DENND3: variants seen among roughly 807,000 people sequenced by gnomAD.
DENND3 encodes DENN domain-containing protein 3.
In DENND3, 88 loss-of-function variants were observed where a neutral mutation model predicts 135.1. The observed-to-expected ratio is 0.65, with a 90% CI of 0.55 to 0.78. DENND3 has a LOEUF of 0.78. Ranked by LOEUF, DENND3 falls within the 30% of genes least tolerant of loss-of-function variation. The probability of loss-of-function intolerance (pLI) is 0.00; values close to 1 mark genes in which losing one functional copy is unlikely to be tolerated. For missense variants in DENND3, 1,392 were observed against 1,688.4 expected (o/e 0.82, Z 3.08); for synonymous variants, 693 against 712.3 (o/e 0.97, Z 0.43).
intron 9 of DENND3, 55 bp from the exon 10 acceptor site, chr8:141,163,278 A>G: frequency 9.6e-7 from 1 of 1,039,106 alleles, no homozygotes; most frequent in Non-Finnish European, 1.4e-6. Flanking sequence ...AAAGTGGTAT[A>G]TTTTTCATGT....
At chr8:141,150,368 G>A (rs1010932435) in intron 5 of DENND3, 15 of 1,239,840 alleles carry the variant, frequency 1.2e-5, no homozygotes, top group Non-Finnish European at 1.5e-5. Context: ...TTAGAAAAAC[G>A]TCTTTCTTAA....
At position 141,160,633 on chromosome 8, in the gene DENND3, G is replaced by T. The variant is rs1215051592; in HGVS notation, c.1198G>T (p.Val400Leu). The T allele has an allele frequency of 8.7e-6, 14 of 1,600,344 alleles. No homozygotes were observed. The highest frequency in any genetic ancestry group is 1.1e-5 in the Non-Finnish European group (13 of 1,170,398). The change falls in exon 9 of 23, where the codon GTG becomes TTG. Residue 400 changes from valine (V) to leucine (L), a missense_variant and splice_region_variant. Transcript: ENST00000519811. ...LLAAQTFIQR[V>L]QSLQLHHELH... The stretch of plus-strand genomic sequence containing the variant: ...TAGCTTCGGTCTGCCTCCTTCCAGG[G>T]TGCAGAGCCTCCAGCTCCACCATGA...
At chr8:141,150,026 T>C (rs1160330124) in intron 5 of DENND3, among the ~76,000 whole-genome samples, 1 of 152,254 alleles carries the variant, frequency 6.6e-6, no homozygotes, top group Admixed American at 6.5e-5. Context: ...AGGTGTTCCC[T>C]TGATGGAGTC....
chr8:141,163,029 C>T (rs1820336745), intron 9 of DENND3, among the ~76,000 whole-genome samples: 1 of 152,232 alleles, frequency 6.6e-6, no homozygotes, highest in African/African-American at 2.4e-5. Context: ...CCACCCTGAA[C>T]TCAGTTTCAT....
intron 5 of DENND3, among the ~76,000 whole-genome samples, chr8:141,145,433 C>T (rs1817920696): frequency 6.6e-6 from 1 of 152,220 alleles, no homozygotes; most frequent in Non-Finnish European, 1.5e-5. Flanking sequence ...CAAACTGTAA[C>T]CCGGCCCTCT....
intron 13 of DENND3, among the ~76,000 whole-genome samples, chr8:141,173,942 G>C (rs1477331819): frequency 6.6e-6 from 1 of 152,198 alleles, no homozygotes; most frequent in African/African-American, 2.4e-5. Context: ...GGTTCTTGGG[G>C]TGTAGCAAGT....
intron 8 of DENND3, chr8:141,157,251 G>A: frequency 1.0e-6 from 1 of 964,950 alleles, no homozygotes; most frequent in African/African-American, 1.8e-5. Context: ...GCTTGGCAGG[G>A]ACTTTGGTCA....
intron 13 of DENND3, among the ~76,000 whole-genome samples, chr8:141,169,652 T>G (rs1215252443): frequency 2.6e-5 from 4 of 152,170 alleles, no homozygotes; most frequent in African/African-American, 9.7e-5. Context: ...AGCTGGAGCT[T>G]TCTTTTCTGG....
chr8:141,193,849 T>A (rs1416326524), intron 22 of DENND3, 184 bp from the exon 23 acceptor site: 1 of 643,052 alleles, frequency 1.6e-6, no homozygotes, highest in African/African-American at 1.8e-5. Flanking sequence ...GGCCATTAGG[T>A]TCTAAGCCCG....
In DENND3 at chr8:141,194,506, G is replaced by A. The variant is rs1825149568; in HGVS notation, c.*273G>A. On this transcript the variant is annotated 3_prime_UTR_variant, in exon 23 of 23. Transcript: ENST00000519811. ...GTCTTGTTGGTGATAACCTCTGCTG[G>A]GAGGTTACTTTGTTGCCTAGAAAGT... The A allele has an allele frequency of 4.6e-5, 21 of 456,596 alleles. No homozygotes were observed. In the South Asian group the frequency reaches 5.9e-4, roughly 13 times the overall value. 28.3% of individuals were successfully genotyped at this position (456,596 alleles called of 1,614,324 possible).
At chr8:141,142,654 A>T (rs1481677727) in intron 4 of DENND3, 2 of 279,942 alleles carry the variant, frequency 7.1e-6, no homozygotes, top group Non-Finnish European at 1.4e-5. Flanking sequence ...GAGCACATGC[A>T]TGTTTGTTGA....
In DENND3 at chr8:141,128,796, GA is replaced by G; in HGVS notation, c.91del (p.Ser31ValfsTer54). Reference sequence around the variant, plus strand: ...CTGGGCGCCCCCCGGGACAGTCTCCGAAGTCTCGAGCAGGTGAGGGGCGGGG... The same window carrying G: ...CTGGGCGCCCCCCGGGACAGTCTCCGAGTCTCGAGCAGGTGAGGGGCGGGG... ...ALLGAPRDSL[R>X]SLEQVAYKKG... On this transcript the variant is annotated frameshift_variant, in exon 1 of 23. Coordinates refer to ENST00000519811, the MANE Select transcript of DENND3 (RefSeq NM_001352890.3). LOFTEE classifies it high-confidence loss of function. The surrounding 1 kb of genome is among the most constrained non-coding windows in gnomAD (Gnocchi z 4.5). 1 of 1,445,768 alleles carries G rather than the reference GA, an allele frequency of 6.9e-7. No homozygotes were observed. Among genetic ancestry groups the G allele is most frequent in the Non-Finnish European group, 9.1e-7 (1 of 1,096,740 alleles). The allele number at this position is 1,445,768 out of a possible 1,614,324, so 89.6% of individuals were successfully genotyped here.
At chr8:141,170,575 T>C (rs1821418534) in intron 13 of DENND3, among the ~76,000 whole-genome samples, 1 of 152,152 alleles carries the variant, frequency 6.6e-6, no homozygotes, top group Admixed American at 6.5e-5. Context: ...TGGAGTCCGA[T>C]GAGGGTGAGC....
At position 141,166,821 on chromosome 8, in the gene DENND3, T is replaced by C. The variant is rs1050018750; in HGVS notation, c.1753+432T>C. 3.9e-5 allele frequency among the ~76,000 whole-genome samples: 6 copies of C among 152,104 alleles called. No individual in the cohort carries two copies. Among genetic ancestry groups the C allele is most frequent in the Non-Finnish European group, 8.8e-5 (6 of 68,004 alleles). ...TGGCATTCCAGGGCCAGGGCTAAAG[T>C]GAGCAGGGCCAGGGATGGGGAGGGG... On this transcript the variant is annotated intron_variant, in intron 12 of 22. Coordinates refer to ENST00000519811, the MANE Select transcript of DENND3 (RefSeq NM_001352890.3). This position sits in a 1 kb window ranked among gnomAD's most constrained non-coding sequence, Gnocchi z 4.3.
chr8:141,129,113 G>A (rs972331379), intron 1 of DENND3, among the ~76,000 whole-genome samples: 3 of 152,210 alleles, frequency 2.0e-5, no homozygotes, highest in African/African-American at 7.2e-5. Context: ...TGGGGGTGCC[G>A]CCCCTCGGAG....
chr8:141,133,953 T>G (rs1045416130), intron 1 of DENND3, among the ~76,000 whole-genome samples: 1 of 152,146 alleles, frequency 6.6e-6, no homozygotes, highest in African/African-American at 2.4e-5. Flanking sequence ...CTGTGAGTGC[T>G]GAGGTCCTTC....
chr8:141,178,226 A>G, intron 16 of DENND3, 30 bp downstream of exon 16: 1 of 1,587,396 alleles, frequency 6.3e-7, no homozygotes, highest in Non-Finnish European at 8.6e-7. Context: ...AGCGTGGATC[A>G]TTGTCCTGAT....
intron 17 of DENND3, among the ~76,000 whole-genome samples, chr8:141,183,419 A>ATTTTT (rs1224506549): frequency 2.4e-3 from 287 of 121,634 alleles, no homozygotes; most frequent in Non-Finnish European, 4.7e-3. Context: ...CAATTTTTGT[A>ATTTTT]TTTTTTTTTT....
At chr8:141,181,856 T>C (rs1823162669) in intron 17 of DENND3, among the ~76,000 whole-genome samples, 1 of 152,148 alleles carries the variant, frequency 6.6e-6, no homozygotes. Context: ...CATTGCAGCC[T>C]CAACCTCCTG....
Sources: allele counts gnomAD v4.1 joint callset (sites outside exome capture counted in the v4.1 genomes callset), GRCh38; gene constraint gnomAD v4.1.1; non-coding constraint Gnocchi (gnomAD v3.1); transcripts MANE v1.5; gene names NCBI Gene and HGNC (gene_info 2026-07-23, HGNC 2026-07-21).